The following PLCB1 variants were observed in gnomAD, a reference collection of about 807,000 sequenced individuals.
PLCB1 encodes phospholipase C beta 1, also known as 1-phosphatidylinositol 4,5-bisphosphate phosphodiesterase beta-1.
In PLCB1, 46 loss-of-function variants were observed where a neutral mutation model predicts 161.8. The observed-to-expected ratio is 0.28, with a 90% CI of 0.22 to 0.36. The LOEUF (loss-of-function observed/expected upper bound fraction) is 0.36. PLCB1 is among the 10% of genes least tolerant of loss of function. The probability of loss-of-function intolerance (pLI) is 1.00; values close to 1 mark genes in which losing one functional copy is unlikely to be tolerated. For missense variants in PLCB1, 1,016 were observed against 1,472.5 expected (o/e 0.69, Z 5.07); for synonymous variants, 517 against 503.7 (o/e 1.03, Z -0.35).
intron 31 of PLCB1, among the ~76,000 whole-genome samples, chr20:8,847,756 T>A (rs1410926567): frequency 6.6e-6 from 1 of 152,136 alleles, no homozygotes; most frequent in Non-Finnish European, 1.5e-5. Flanking sequence ...CTCACAGAAC[T>A]CAGAAAATCC....
intron 3 of PLCB1, among the ~76,000 whole-genome samples, chr20:8,585,620 G>T (rs558002194): frequency 6.6e-6 from 1 of 152,060 alleles, no homozygotes; most frequent in Admixed American, 6.5e-5. Flanking sequence ...CCCTCTTGAC[G>T]TGATGCTTTT....
At chr20:8,475,378 G>A (rs1408342947) in intron 3 of PLCB1, among the ~76,000 whole-genome samples, 1 of 151,920 alleles carries the variant, frequency 6.6e-6, no homozygotes, top group Non-Finnish European at 1.5e-5. Context: ...TTGAGCCTGT[G>A]GGTTGGAGAC....
chr20:8,433,072 A>G (rs1980127954), intron 3 of PLCB1, among the ~76,000 whole-genome samples: 1 of 152,242 alleles, frequency 6.6e-6, no homozygotes, highest in African/African-American at 2.4e-5. Context: ...CAAAGTTCTA[A>G]TTAGACCAGG....
chr20:8,382,283 C>CTTTT (rs71331303), intron 3 of PLCB1, among the ~76,000 whole-genome samples: 3 of 130,554 alleles, frequency 2.3e-5, no homozygotes, highest in Non-Finnish European at 3.2e-5. Flanking sequence ...GTTTCTTTTT[C>CTTTT]TTTTTTTTTT....
intron 2 of PLCB1, among the ~76,000 whole-genome samples, chr20:8,169,732 G>A (rs1182118787): frequency 1.3e-5 from 2 of 152,138 alleles, no homozygotes; most frequent in African/African-American, 2.4e-5. Context: ...TTGGAGTGCA[G>A]TTTTCGATGC....
chr20:8,546,570 G>T (rs750068667), intron 3 of PLCB1, among the ~76,000 whole-genome samples: 64 of 152,050 alleles, frequency 4.2e-4, no homozygotes, highest in Non-Finnish European at 7.2e-4. Context: ...CTCTAGGGGG[G>T]AGGTAATGTA....
intron 27 of PLCB1, among the ~76,000 whole-genome samples, chr20:8,785,527 G>C (rs1983442851): frequency 1.3e-5 from 2 of 152,082 alleles, no homozygotes; most frequent in Non-Finnish European, 2.9e-5. Context: ...TGTGTGTTCT[G>C]GGACCACAGG....
intron 16 of PLCB1, among the ~76,000 whole-genome samples, chr20:8,725,815 A>G (rs557830404): frequency 3.3e-5 from 5 of 152,278 alleles, no homozygotes; most frequent in South Asian, 2.1e-4. Context: ...ATATATTTAG[A>G]TTCTTCAGAA....
intron 23 of PLCB1, chr20:8,750,775 T>G: frequency 8.4e-7 from 1 of 1,183,968 alleles, no homozygotes; most frequent in South Asian, 1.2e-5. Flanking sequence ...CTAACAAAGC[T>G]ACTTTCTGAC....
At chr20:8,516,736 A>T (rs1318888042) in intron 3 of PLCB1, among the ~76,000 whole-genome samples, 1 of 136,182 alleles carries the variant, frequency 7.3e-6, no homozygotes. Context: ...GCTATATACT[A>T]CTAGTCAGTC....
chr20:8,182,542 A>G (rs2123092828), intron 2 of PLCB1, among the ~76,000 whole-genome samples: 1 of 150,634 alleles, frequency 6.6e-6, no homozygotes, highest in Admixed American at 6.6e-5. Flanking sequence ...TCAAGCTCCC[A>G]TTTGACTTGC....
intron 3 of PLCB1, among the ~76,000 whole-genome samples, chr20:8,605,471 G>A (rs1987728620): frequency 6.6e-6 from 1 of 151,732 alleles, no homozygotes; most frequent in Admixed American, 6.6e-5. Context: ...TTGTGCTTTT[G>A]CTGATTACTT....
intron 31 of PLCB1, among the ~76,000 whole-genome samples, chr20:8,864,676 C>G (rs1987366209): frequency 6.6e-6 from 1 of 152,144 alleles, no homozygotes; most frequent in Non-Finnish European, 1.5e-5. Flanking sequence ...AGTATGTTCC[C>G]ATGATTTGGA....
intron 2 of PLCB1, among the ~76,000 whole-genome samples, chr20:8,317,587 G>C (rs554688117): frequency 6.6e-6 from 1 of 150,768 alleles, no homozygotes; most frequent in Non-Finnish European, 1.5e-5. Context: ...CAAATCCTTA[G>C]TATTATCAAA....
intron 2 of PLCB1, among the ~76,000 whole-genome samples, chr20:8,157,603 C>A (rs1018592747): frequency 6.6e-6 from 1 of 152,156 alleles, no homozygotes. Context: ...TGAACTCTGG[C>A]TAGCATAGAA....
intron 27 of PLCB1, among the ~76,000 whole-genome samples, chr20:8,776,633 G>T (rs746552787): frequency 1.3e-5 from 2 of 152,070 alleles, no homozygotes; most frequent in African/African-American, 2.4e-5. Flanking sequence ...CATTTTCATC[G>T]CCTTAAAAAG....
At chr20:8,257,821 CAGAGAT>C (rs1981503591) in intron 2 of PLCB1, among the ~76,000 whole-genome samples, 1 of 152,042 alleles carries the variant, frequency 6.6e-6, no homozygotes, top group Non-Finnish European at 1.5e-5. Flanking sequence ...GCCTGAGAGA[CAGAGAT>C]AAAGGACAAA....
In PLCB1 at chr20:8,532,913, A is replaced by G. The variant is rs552828942; in HGVS notation, c.247-95381A>G. On this transcript the variant is annotated intron_variant, in intron 3 of 31. Coordinates refer to ENST00000338037, the MANE Select transcript of PLCB1 (RefSeq NM_015192.4). ...GTTGTAGGGTACATGTGCACAATGTACAGGTTAGTTACATATGTATACATG... is the reference window on the plus strand; with the variant it reads ...GTTGTAGGGTACATGTGCACAATGTGCAGGTTAGTTACATATGTATACATG... Among the ~76,000 whole-genome samples the G allele has an allele frequency of 2.9e-3, 437 of 152,008 alleles. 7 individuals carry two copies. The highest frequency in any genetic ancestry group is 2.9e-3 in the African/African-American group (122 of 41,452).
At chr20:8,556,191 C>A (rs1043766314) in intron 3 of PLCB1, among the ~76,000 whole-genome samples, 1 of 151,958 alleles carries the variant, frequency 6.6e-6, no homozygotes, top group African/African-American at 2.4e-5. Context: ...TCTATGGGTA[C>A]CTGATTCTGG....
Sources: gnomAD v4.1 joint callset for allele counts (sites outside exome capture counted in the v4.1 genomes callset) on GRCh38, gnomAD v4.1.1 for gene constraint, MANE v1.5 for transcripts, NCBI Gene and HGNC (gene_info 2026-07-23, HGNC 2026-07-21) for gene names.